The following SNX30 variants were observed in gnomAD, a reference collection of about 807,000 sequenced individuals.
SNX30 encodes sorting nexin family member 30.
In SNX30, 24 loss-of-function variants were observed where a neutral mutation model predicts 46.4. That is an observed-to-expected ratio of 0.52 (90% CI 0.37 to 0.73). The LOEUF (loss-of-function observed/expected upper bound fraction) is 0.73. Among genes scored for constraint, SNX30 ranks in the 30% least tolerant of loss-of-function variants. SNX30 has a pLI of 0.00. For synonymous variants in SNX30, 189 were observed against 211.5 expected (o/e 0.89, Z 0.92); for missense variants, 533 against 555.7 (o/e 0.96, Z 0.41).
At chr9:112,882,120 T>C (rs1347687660), downstream of SNX30, among the ~76,000 whole-genome samples, 9 of 152,148 alleles carry the variant, frequency 5.9e-5, no homozygotes. Context: ...TTTTGTTTCT[T>C]TTTTGAGACA....
intron 7 of SNX30, among the ~76,000 whole-genome samples, chr9:112,851,662 C>T (rs74307744): frequency 5.3e-5 from 8 of 152,168 alleles, no homozygotes; most frequent in Non-Finnish European, 7.3e-5. Flanking sequence ...AAGAGTAATT[C>T]GTGCAGAACT....
At chr9:112,884,457 G>A (rs536555867), downstream of SNX30, among the ~76,000 whole-genome samples, 1 of 152,278 alleles carries the variant, frequency 6.6e-6, no homozygotes, top group South Asian at 2.1e-4. Context: ...CGTTTCTTTA[G>A]TGACTTTGCG....
intron 7 of SNX30, among the ~76,000 whole-genome samples, chr9:112,857,129 C>T (rs143216009): frequency 6.6e-6 from 1 of 152,212 alleles, no homozygotes; most frequent in Non-Finnish European, 1.5e-5. Context: ...GTGGCCTTCC[C>T]TGGGGCTTCA....
chr9:112,815,788 A>G (rs1196882624), intron 2 of SNX30, among the ~76,000 whole-genome samples: 1 of 152,246 alleles, frequency 6.6e-6, no homozygotes, highest in African/African-American at 2.4e-5. Context: ...ATCATTGGCA[A>G]GTTCTCACAT....
rs1412981777 is a variant in SNX30, at chr9:112,864,276, T to G, written c.1131T>G (p.Asp377Glu). ...KVPADVEKCQ[D>E]RMECFNADLK... is the part of the protein sequence containing the mutation. ...CGGCGGACGTCGAGAAATGTCAGGA[T>G]CGGATGGAGTGTTTCAATGCTGACC... is the stretch of plus-strand genomic sequence containing the variant. The change falls in exon 8 of 9, where the codon GAT becomes GAG. Residue 377 changes from aspartate (D) to glutamate (E), a missense_variant. Physicochemically the swap from Asp to Glu is conservative, Grantham distance 45 (BLOSUM62 2). Transcript: ENST00000374232. 1 of 1,613,840 alleles carries G rather than the reference T, an allele frequency of 6.2e-7. No individual in the cohort carries two copies. The highest frequency in any genetic ancestry group is 8.5e-7 in the Non-Finnish European group (1 of 1,179,964).
intron 1 of SNX30, among the ~76,000 whole-genome samples, chr9:112,769,820 T>G (rs1204022836): frequency 6.6e-6 from 1 of 152,182 alleles, no homozygotes; most frequent in Non-Finnish European, 1.5e-5. Flanking sequence ...TCTTGATGTT[T>G]AACCCTGCAT....
chr9:112,764,362 G>C (rs1839496685), intron 1 of SNX30, among the ~76,000 whole-genome samples: 1 of 152,178 alleles, frequency 6.6e-6, no homozygotes, highest in African/African-American at 2.4e-5. Flanking sequence ...GACCAATTAA[G>C]TGTTTGTCGT....
chr9:112,851,851 C>T (rs1424164130), intron 7 of SNX30, among the ~76,000 whole-genome samples: 1 of 152,208 alleles, frequency 6.6e-6, no homozygotes, highest in African/African-American at 2.4e-5. Context: ...GTGTCTTCTG[C>T]TCCTGGGTGG....
intron 4 of SNX30, among the ~76,000 whole-genome samples, chr9:112,835,320 G>T (rs1840735697): frequency 6.6e-6 from 1 of 152,084 alleles, no homozygotes; most frequent in African/African-American, 2.4e-5. Context: ...GTTTTATCAG[G>T]CAGGCTAATA....
chr9:112,832,226 C>A (rs1490898440), intron 4 of SNX30, among the ~76,000 whole-genome samples: 3 of 151,820 alleles, frequency 2.0e-5, no homozygotes, highest in African/African-American at 7.3e-5. Flanking sequence ...TATTTCCTGG[C>A]AAACTAAACC....
chr9:112,778,893 G>GC (rs959335303), intron 1 of SNX30, among the ~76,000 whole-genome samples: 1 of 8,166 alleles, frequency 1.2e-4, no homozygotes, highest in Non-Finnish European at 2.3e-4. Context: ...AGAGAACTTG[G>GC]GGGGGGGGGA....
intron 6 of SNX30, among the ~76,000 whole-genome samples, chr9:112,848,918 C>T (rs1272329659): frequency 6.6e-6 from 1 of 152,204 alleles, no homozygotes; most frequent in Non-Finnish European, 1.5e-5. Context: ...CCAGCAGTGC[C>T]CCCAGGAGCC....
chr9:112,862,072 AAACTG>A (rs1270625750), intron 7 of SNX30, among the ~76,000 whole-genome samples: 2 of 152,334 alleles, frequency 1.3e-5, no homozygotes, highest in Admixed American at 6.5e-5. Context: ...ATGTGTTGTG[AAACTG>A]AGAAGCCAAA....
intron 3 of SNX30, among the ~76,000 whole-genome samples, chr9:112,822,876 C>T (rs1235418858): frequency 6.6e-6 from 1 of 152,116 alleles, no homozygotes; most frequent in Non-Finnish European, 1.5e-5. Flanking sequence ...TTTAGTAGCC[C>T]TCTTGGTTAT....
chr9:112,866,222 G>A (rs1841340422), intron 8 of SNX30, among the ~76,000 whole-genome samples: 1 of 152,136 alleles, frequency 6.6e-6, no homozygotes, highest in Admixed American at 6.5e-5. Flanking sequence ...GTGAGATAAG[G>A]AAAAGAACGG....
chr9:112,783,492 A>T (rs151165178), intron 1 of SNX30, among the ~76,000 whole-genome samples: 31 of 152,308 alleles, frequency 2.0e-4, no homozygotes, highest in African/African-American at 7.2e-4. Context: ...TTAGAGCTAT[A>T]TGTATAGACT....
chr9:112,851,000 A>C (rs1458528005), intron 7 of SNX30, 55 bp downstream of exon 7: 6 of 1,383,622 alleles, frequency 4.3e-6, no homozygotes, highest in Non-Finnish European at 6.2e-6. Context: ...TGCTGGTGCT[A>C]AGTAAATTCT....
At chr9:112,810,478 A>G (rs891421571) in intron 2 of SNX30, among the ~76,000 whole-genome samples, 11 of 152,168 alleles carry the variant, frequency 7.2e-5, no homozygotes, top group Non-Finnish European at 1.5e-5. Flanking sequence ...CTGAGTAAAG[A>G]AGGAAGGAAG....
chr9:112,865,744 A>AGT (rs35558616), intron 8 of SNX30, among the ~76,000 whole-genome samples: 5,625 of 139,610 alleles, frequency 0.04, 136 homozygotes, highest in East Asian at 0.081. Context: ...CACATGAGTG[A>AGT]GTGTGTGTGT....
Sources: gnomAD v4.1 joint callset for allele counts (sites outside exome capture counted in the v4.1 genomes callset) on GRCh38, gnomAD v4.1.1 for gene constraint, MANE v1.5 for transcripts, NCBI Gene and HGNC (gene_info 2026-07-23, HGNC 2026-07-21) for gene names.